The following ZNF184 variants were observed in gnomAD, a reference collection of about 807,000 sequenced individuals.
ZNF184 encodes zinc finger protein 184 (Kruppel-like).
In ZNF184, 16 loss-of-function variants were observed where a neutral mutation model predicts 54.4. The ratio of observed to expected loss-of-function variants is 0.29; its 90% CI spans 0.20 to 0.45. The LOEUF (loss-of-function observed/expected upper bound fraction) is 0.45. Ranked by LOEUF, ZNF184 falls within the 20% of genes least tolerant of loss-of-function variation. The pLI is 1.00. For missense variants in ZNF184, 681 were observed against 888.2 expected (o/e 0.77, Z 2.97); for synonymous variants, 254 against 295.3 (o/e 0.86, Z 1.43).
the ZNF184 span, among the ~76,000 whole-genome samples, chr6:27,422,148 A>AAAAAAAGAAG: frequency 1.8e-4 from 8 of 43,472 alleles, no homozygotes; most frequent in Admixed American, 3.3e-4. Context: ...CTCAAAAAAA[A>AAAAAAAGAAG]AAAGAAAGAA....
the ZNF184 span, among the ~76,000 whole-genome samples, chr6:27,439,003 A>T: frequency 6.6e-6 from 1 of 152,176 alleles, no homozygotes; most frequent in East Asian, 1.9e-4. Flanking sequence ...CATAGCCAAA[A>T]CTTCGTTATT....
At chr6:27,470,817 G>A (rs1763256493) in intron 2 of ZNF184, among the ~76,000 whole-genome samples, 2 of 151,988 alleles carry the variant, frequency 1.3e-5, no homozygotes, top group African/African-American at 2.4e-5. Context: ...TAATCCTAAT[G>A]ATAAAATTGT....
At chr6:27,407,759 A>T in the ZNF184 span, 4 of 772,690 alleles carry the variant, frequency 5.2e-6, no homozygotes, top group Admixed American at 6.8e-5. Context: ...CGGAGATGTC[A>T]CTACAAGATT....
At chr6:27,445,998 G>T (rs1444570615), downstream of ZNF184, among the ~76,000 whole-genome samples, 1 of 152,108 alleles carries the variant, frequency 6.6e-6, no homozygotes, top group Non-Finnish European at 1.5e-5. Context: ...TGAGAGGAAA[G>T]AAATAAAGAT....
chr6:27,423,155 CT>C, the ZNF184 span, among the ~76,000 whole-genome samples: 23 of 152,320 alleles, frequency 1.5e-4, no homozygotes, highest in African/African-American at 5.3e-4. Context: ...CTCCGAGCTG[CT>C]TATCGTCACA....
chr6:27,468,342 C>T (rs115241544), intron 2 of ZNF184, among the ~76,000 whole-genome samples: 1,706 of 152,284 alleles, frequency 0.011, 37 homozygotes, highest in African/African-American at 0.038. Context: ...TTACTCTACC[C>T]ACCCAACAGA....
intron 3 of ZNF184, among the ~76,000 whole-genome samples, chr6:27,462,420 G>A (rs1290733642): frequency 2.0e-5 from 3 of 151,690 alleles, no homozygotes; most frequent in East Asian, 2.0e-4. Context: ...GAATGATCTC[G>A]ATCTGCTGAC....
At chr6:27,441,592 A>G in the ZNF184 span, among the ~76,000 whole-genome samples, 1 of 152,166 alleles carries the variant, frequency 6.6e-6, no homozygotes, top group African/African-American at 2.4e-5. Flanking sequence ...TTTAATTTCA[A>G]CTTTGTCACT....
chr6:27,415,771 T>C, the ZNF184 span, among the ~76,000 whole-genome samples: 5 of 152,194 alleles, frequency 3.3e-5, no homozygotes, highest in African/African-American at 4.8e-5. Flanking sequence ...TTCTGTCATA[T>C]ATTGGCAGTG....
intron 3 of ZNF184, among the ~76,000 whole-genome samples, chr6:27,463,909 G>A (rs1183882437): frequency 9.4e-6 from 1 of 106,228 alleles, no homozygotes; most frequent in African/African-American, 3.1e-5. Context: ...GAAGTCCTTC[G>A]ACCAGATTAA....
At chr6:27,439,920 G>C in the ZNF184 span, among the ~76,000 whole-genome samples, 10 of 152,146 alleles carry the variant, frequency 6.6e-5, no homozygotes, top group East Asian at 9.6e-4. Flanking sequence ...TTGTTACTGA[G>C]TGCAATTTTA....
At chr6:27,419,750 C>T in the ZNF184 span, among the ~76,000 whole-genome samples, 1 of 152,146 alleles carries the variant, frequency 6.6e-6, no homozygotes, top group East Asian at 1.9e-4. This position sits in a 1 kb window ranked among gnomAD's most constrained non-coding sequence, Gnocchi z 4.8. Flanking sequence ...GACCACTTCT[C>T]ACCACTTCCA....
chr6:27,448,315 C>A (rs1016331930), downstream of ZNF184, among the ~76,000 whole-genome samples: 1 of 152,196 alleles, frequency 6.6e-6, no homozygotes, highest in African/African-American at 2.4e-5. Flanking sequence ...CCAACTACTT[C>A]CCATCGTTTT....
At chr6:27,445,817 G>T (rs1762630565), downstream of ZNF184, among the ~76,000 whole-genome samples, 1 of 151,972 alleles carries the variant, frequency 6.6e-6, no homozygotes, top group African/African-American at 2.4e-5. Flanking sequence ...TAGAGTAAAG[G>T]CCATCCTTGT....
At chr6:27,415,142 C>T in the ZNF184 span, among the ~76,000 whole-genome samples, 2 of 152,130 alleles carry the variant, frequency 1.3e-5, no homozygotes, top group African/African-American at 4.8e-5. Flanking sequence ...GATGAGCTGG[C>T]TATAACTCAG....
chr6:27,457,639 A>G (rs575157542), intron 3 of ZNF184, among the ~76,000 whole-genome samples: 94 of 152,342 alleles, frequency 6.2e-4, no homozygotes, highest in Non-Finnish European at 1.0e-3. Flanking sequence ...GCATATAATA[A>G]GTGCTCAGTC....
At chr6:27,461,223 T>C (rs900807210) in intron 3 of ZNF184, among the ~76,000 whole-genome samples, 44 of 152,214 alleles carry the variant, frequency 2.9e-4, no homozygotes, top group Admixed American at 2.5e-3. Flanking sequence ...TTCATGTTTC[T>C]GTGGCTCACA....
In ZNF184 at chr6:27,451,249, A is replaced by G; in HGVS notation, c.*54T>C. On this transcript the variant is annotated 3_prime_UTR_variant, in exon 6 of 6. Coordinates refer to ENST00000683788, the MANE Select transcript of ZNF184 (RefSeq NM_001318891.2). ...CACTCTGATTCTTCAGTACTTAACA[A>G]AAGGACAAACTAAAGTAAATATCTC... The G allele has an allele frequency of 6.6e-7, 1 of 1,519,470 alleles. No homozygotes were observed. Among genetic ancestry groups the G allele is most frequent in the Non-Finnish European group, 8.8e-7 (1 of 1,135,982 alleles). 94.1% of individuals were successfully genotyped at this position (1,519,470 alleles called of 1,614,324 possible).
At chr6:27,437,278 T>C in the ZNF184 span, among the ~76,000 whole-genome samples, 7 of 152,216 alleles carry the variant, frequency 4.6e-5, no homozygotes, top group Non-Finnish European at 1.0e-4. Flanking sequence ...AGCAGAGAGC[T>C]TTCTCCAGCT....
Sources: gnomAD v4.1 joint callset for allele counts (sites outside exome capture counted in the v4.1 genomes callset) on GRCh38, gnomAD v4.1.1 for gene constraint, Gnocchi (gnomAD v3.1) non-coding constraint, MANE v1.5 for transcripts, NCBI Gene and HGNC (gene_info 2026-07-23, HGNC 2026-07-21) for gene names.